Variants in ERN2 observed in about 807,000 individuals in gnomAD.
The protein encoded by ERN2 is endoplasmic reticulum to nucleus signaling 2, also known as serine/threonine-protein kinase/endoribonuclease IRE2.
A neutral mutation model predicts 107.9 loss-of-function variants in ERN2; 111 were observed. The observed-to-expected ratio is 1.03, with a 90% CI of 0.88 to 1.20. ERN2 has a LOEUF of 1.20. Ranked by LOEUF, ERN2 falls within the 50% of genes most tolerant of loss-of-function variation. ERN2 has a pLI of 0.00. For missense variants in ERN2, 1,225 were observed against 1,197.9 expected, an observed-to-expected ratio of 1.02 and a Z score of -0.33; for synonymous variants, 524 against 501.7, an observed-to-expected ratio of 1.04 and a Z score of -0.59.
intron 13 of ERN2, among the ~76,000 whole-genome samples, chr16:23,698,444 A>G (rs1052513269): frequency 1.2e-4 from 19 of 152,232 alleles, no homozygotes; most frequent in African/African-American, 4.6e-4. Context: ...AGTAAGCGCT[A>G]TAGAAATGTT....
chr16:23,700,458 T>C, intron 13 of ERN2, 81 bp downstream of exon 13: 1 of 1,460,722 alleles, frequency 6.8e-7, no homozygotes, highest in African/African-American at 1.4e-5. Flanking sequence ...ATAGTGGCTT[T>C]TAATAAACCA....
At chr16:23,710,494 A>G (rs1960496097) in intron 3 of ERN2, 22 bp downstream of exon 3, 1 of 1,613,148 alleles carries the variant, frequency 6.2e-7, no homozygotes, top group Admixed American at 1.7e-5. Context: ...CCTCCTCCTT[A>G]AAAGGCCCCA....
chr16:23,700,640 A>T lies in ERN2; in HGVS notation c.1424T>A (p.Ile475Asn), dbSNP rs772124124. 1.9e-6 allele frequency: 3 copies of T among 1,613,868 alleles called. No homozygotes were observed. Among genetic ancestry groups the T allele is most frequent in the Admixed American group, 3.3e-5 (2 of 59,984 alleles). ...TPLAPADFAH[I>N]SQDAQSLHSG... is the part of the protein sequence containing the mutation. ...GTGCAGGGACTGGGCATCCTGGGAGATGTGAGCAAAGTCTGCAGGTGCCAG... is the reference window on the plus strand; with the variant it reads ...GTGCAGGGACTGGGCATCCTGGGAGTTGTGAGCAAAGTCTGCAGGTGCCAG... The change falls in exon 13 of 22, where the codon ATC becomes AAC. Residue 475 changes from isoleucine to asparagine, a missense_variant. Transcript: ENST00000256797.
Position 23,706,734 on chromosome 16 carries a change from A to C in ERN2, c.487+20T>G. 4,220 of 1,246,560 alleles carry C rather than the reference A, an allele frequency of 3.4e-3. No homozygotes were observed. Among genetic ancestry groups the C allele is most frequent in the Non-Finnish European group, 4.5e-3 (3,834 of 852,272 alleles). The allele number at this position is 1,246,560 out of a possible 1,614,324, so 77.2% of individuals were successfully genotyped here. ...GGGGAGGCTGCCCAGAGCTTGAGGA[A>C]CAGCTGGGGCCCAACTCACGTGTTC... On this transcript the variant is annotated intron_variant, in intron 6 of 21. Coordinates refer to ENST00000256797, the MANE Select transcript of ERN2 (RefSeq NM_033266.4).
rs1374932526 is a variant in ERN2, at chr16:23,690,974, G to A, written c.2638C>T (p.Gln880Ter). Residue 880 changes from glutamine to a stop codon, truncating the protein, a stop_gained, in exon 22 of 22, where the codon CAG becomes TAG. Transcript: ENST00000256797. LOFTEE classifies it low-confidence loss of function (END_TRUNC). ...ALGQVPDGFV[Q>*]YFTNRFPRLL... Reference sequence around the variant, plus strand: ...CGTGGGAAGCGGTTTGTGAAGTACTGGACGAAGCCATCAGGGACTTGGCCG... The same window carrying A: ...CGTGGGAAGCGGTTTGTGAAGTACTAGACGAAGCCATCAGGGACTTGGCCG... The A allele has an allele frequency of 6.2e-7, 1 of 1,614,152 alleles. No homozygotes were observed. The highest frequency in any genetic ancestry group is 8.5e-7 in the Non-Finnish European group (1 of 1,180,034).
intron 1 of ERN2, among the ~76,000 whole-genome samples, chr16:23,711,790 C>T (rs540517553): frequency 1.3e-5 from 2 of 152,326 alleles, no homozygotes; most frequent in East Asian, 3.9e-4. Flanking sequence ...CTTGAGTTGC[C>T]ATCCCTCTGA....
intron 13 of ERN2, among the ~76,000 whole-genome samples, chr16:23,700,028 AAAT>A (rs1959980388): frequency 6.6e-6 from 1 of 152,166 alleles, no homozygotes; most frequent in Non-Finnish European, 1.5e-5. Flanking sequence ...GGTTCCTTGA[AAAT>A]AATAATACAA....
At chr16:23,706,947 G>T in intron 5 of ERN2, 60 bp downstream of exon 5, 1 of 1,580,900 alleles carries the variant, frequency 6.3e-7, no homozygotes, top group South Asian at 1.1e-5. Flanking sequence ...TAGCCGTCAC[G>T]ACTTAGATCC....
In ERN2 at chr16:23,695,963, A is replaced by G. The variant is rs745572465; in HGVS notation, c.1541T>C (p.Val514Ala). ...GGGATTGAAGGAAATCTTCCCCACTACGGTGAGTTGCTCAGCTGGGGGAGA... is the reference window on the plus strand; with the variant it reads ...GGGATTGAAGGAAATCTTCCCCACTGCGGTGAGTTGCTCAGCTGGGGGAGA... ...LDDPEAEQLT[V>A]VGKISFNPKD... Residue 514 changes from valine to alanine, a missense_variant, in exon 14 of 22, where the codon GTA (valine) becomes GCA (alanine). Val to Ala is a moderately conservative substitution (Grantham distance 64). Coordinates refer to ENST00000256797, the MANE Select transcript of ERN2 (RefSeq NM_033266.4). 6.2e-7 allele frequency: 1 copy of G among 1,614,004 alleles called. No individual in the cohort carries two copies. Among genetic ancestry groups the G allele is most frequent in the Non-Finnish European group, 8.5e-7 (1 of 1,179,900 alleles).
intron 13 of ERN2, among the ~76,000 whole-genome samples, chr16:23,700,269 T>G (rs1394344139): frequency 1.3e-5 from 2 of 152,068 alleles, no homozygotes; most frequent in Non-Finnish European, 2.9e-5. Context: ...CCCAGGAGCT[T>G]GAGGCTGCAG....
intron 13 of ERN2, among the ~76,000 whole-genome samples, chr16:23,699,139 C>G (rs1959945831): frequency 6.6e-6 from 1 of 152,106 alleles, no homozygotes; most frequent in Non-Finnish European, 1.5e-5. Context: ...CAGCTCAGGG[C>G]TCAGGAAATC....
chr16:23,701,629 A>T (rs1156937511), intron 11 of ERN2, among the ~76,000 whole-genome samples: 2 of 150,358 alleles, frequency 1.3e-5, no homozygotes, highest in Non-Finnish European at 2.9e-5. Flanking sequence ...TGATTTAAAT[A>T]GTCAATGTCT....
intron 17 of ERN2, among the ~76,000 whole-genome samples, chr16:23,694,042 G>A (rs534906056): frequency 6.6e-6 from 1 of 152,248 alleles, no homozygotes; most frequent in Admixed American, 6.5e-5. Flanking sequence ...CTGTTGTCCA[G>A]GCTAGAGTGC....
chr16:23,697,437 G>A (rs1959875829), intron 13 of ERN2: 1 of 152,130 alleles, frequency 6.6e-6, no homozygotes, highest in South Asian at 2.1e-4. Context: ...AGAGCTGCTT[G>A]AACAAACCCT....
chr16:23,696,053 C>T, intron 13 of ERN2, 75 bp from the exon 14 acceptor site: 2 of 1,136,166 alleles, frequency 1.8e-6, no homozygotes, highest in Non-Finnish European at 1.3e-6. Flanking sequence ...CCAGACTCAC[C>T]TTGACATTTT....
Position 23,713,166 on chromosome 16 carries a change from A to AC in ERN2, c.21dup (p.Ser8ValfsTer60), listed in dbSNP as rs1960613651. On this transcript the variant is annotated frameshift_variant, in exon 1 of 22. Transcript: ENST00000256797. LOFTEE classifies it high-confidence loss of function. ...AGCCCCAGCCGGGGCCACGGCCTCGACCCCCTGACCGCACTCGCCATAGCG... is the reference window on the plus strand; with the variant it reads ...AGCCCCAGCCGGGGCCACGGCCTCGACCCCCCTGACCGCACTCGCCATAGCG... 2 of 1,574,344 alleles carry AC rather than the reference A, an allele frequency of 1.3e-6. No individual in the cohort carries two copies. Among genetic ancestry groups the AC allele is most frequent in the Non-Finnish European group, 1.7e-6 (2 of 1,166,552 alleles).
chr16:23,705,272 G>C (rs1960258226), intron 7 of ERN2, 125 bp from the exon 8 acceptor site: 1 of 1,095,858 alleles, frequency 9.1e-7, no homozygotes, highest in South Asian at 1.6e-5. Context: ...CTGGACATGA[G>C]AATGTTTGTT....
At chr16:23,706,690 A>G in intron 6 of ERN2, 64 bp downstream of exon 6, 2 of 1,136,286 alleles carry the variant, frequency 1.8e-6, no homozygotes, top group Non-Finnish European at 1.3e-6. Context: ...AGCCACAGCT[A>G]GATCTCAGCA....
chr16:23,700,985 C>T lies in ERN2; in HGVS notation c.1333G>A (p.Gly445Arg), dbSNP rs750193220. 1.6e-5 allele frequency: 26 copies of T among 1,614,000 alleles called. No individual in the cohort carries two copies. Among genetic ancestry groups the T allele is most frequent in the Non-Finnish European group, 5.1e-6 (6 of 1,179,990 alleles). The change falls in exon 12 of 22, where the codon GGG becomes AGG. Residue 445 changes from glycine (G) to arginine (R), a missense_variant. Coordinates refer to ENST00000256797, the MANE Select transcript of ERN2 (RefSeq NM_033266.4). ...AASLTAVLLG[G>R]WILFVMRQQQ... ...TGCCTCATCACAAAGAGAATCCACC[C>T]TCCCAGGAGGACAGCAGTGAGGCTA...
Sources: allele counts gnomAD v4.1 joint callset (sites outside exome capture counted in the v4.1 genomes callset), GRCh38; gene constraint gnomAD v4.1.1; transcripts MANE v1.5; gene names NCBI Gene and HGNC (gene_info 2026-07-23, HGNC 2026-07-21).